The following GRIK1 variants were observed in gnomAD, a reference collection of about 807,000 sequenced individuals.
GRIK1 encodes glutamate ionotropic receptor kainate type subunit 1, also known as glutamate receptor ionotropic, kainate 1.
GRIK1 carries 69 observed loss-of-function variants against 105.7 expected under a neutral mutation model. That is an observed-to-expected ratio of 0.65 (90% CI 0.54 to 0.80). GRIK1 has a LOEUF of 0.80. GRIK1 is among the 30% of genes least tolerant of loss of function. The pLI is 0.00. For missense variants in GRIK1, 1,109 were observed against 1,167.3 expected, an observed-to-expected ratio of 0.95 and a Z score of 0.73; for synonymous variants, 438 against 431.3, an observed-to-expected ratio of 1.02 and a Z score of -0.19.
chr21:29,821,516 G>A (rs182131636), intron 1 of GRIK1, among the ~76,000 whole-genome samples: 9 of 152,112 alleles, frequency 5.9e-5, no homozygotes, highest in South Asian at 2.1e-4. Flanking sequence ...ACCATGAGAG[G>A]TCACTTTTTA....
In GRIK1 at chr21:29,565,223, C is replaced by CA. The variant is rs1416942735; in HGVS notation, c.2131-3375dup. Among the ~76,000 whole-genome samples, 5 of 152,308 alleles carry CA rather than the reference C, an allele frequency of 3.3e-5. 1 individual carries two copies. The highest frequency in any genetic ancestry group is 2.6e-4 in the Admixed American group (4 of 15,300). On this transcript the variant is annotated intron_variant, in intron 14 of 17. Transcript: ENST00000327783. ...AACATAATGGGAGCAAGAAGAGCAG[C>CA]ATTTTGCTGTTATTTAGAGCTCTCT...
At chr21:29,786,609 T>A (rs1391133781) in intron 1 of GRIK1, among the ~76,000 whole-genome samples, 1 of 152,202 alleles carries the variant, frequency 6.6e-6, no homozygotes, top group Non-Finnish European at 1.5e-5. Context: ...GTTAAAGAAA[T>A]GTACACAGAA....
At chr21:29,792,231 C>T in intron 1 of GRIK1, among the ~76,000 whole-genome samples, 1 of 151,980 alleles carries the variant, frequency 6.6e-6, no homozygotes, top group East Asian at 1.9e-4. Context: ...ATAAGTTCAG[C>T]TTTTGAATTT....
chr21:29,828,473 C>T (rs55912487), intron 1 of GRIK1, among the ~76,000 whole-genome samples: 16,849 of 151,732 alleles, frequency 0.11, 999 homozygotes, highest in Admixed American at 0.16. Context: ...GGTGAAAGCA[C>T]TTTATATTAT....
intron 1 of GRIK1, among the ~76,000 whole-genome samples, chr21:29,857,731 T>C (rs898861607): frequency 6.6e-6 from 1 of 152,200 alleles, no homozygotes; most frequent in African/African-American, 2.4e-5. Context: ...AACAACTAAA[T>C]AATAATCCTC....
chr21:29,703,812 G>T (rs992566954), intron 1 of GRIK1, among the ~76,000 whole-genome samples: 2 of 152,190 alleles, frequency 1.3e-5, no homozygotes, highest in African/African-American at 4.8e-5. Flanking sequence ...TGCTATAAGT[G>T]TCTTCAGGTA....
chr21:29,573,746 G>A (rs2090814219), intron 14 of GRIK1, among the ~76,000 whole-genome samples: 2 of 152,004 alleles, frequency 1.3e-5, no homozygotes, highest in Non-Finnish European at 2.9e-5. Context: ...CTACTCGGGG[G>A]GCTGAGGCAG....
intron 1 of GRIK1, among the ~76,000 whole-genome samples, chr21:29,710,178 T>C (rs1300984950): frequency 1.3e-5 from 2 of 152,074 alleles, no homozygotes; most frequent in Non-Finnish European, 2.9e-5. Flanking sequence ...TTCATATGAA[T>C]ACTATTCTTT....
intron 4 of GRIK1, among the ~76,000 whole-genome samples, chr21:29,668,550 C>G (rs1222822838): frequency 6.6e-6 from 1 of 152,080 alleles, no homozygotes; most frequent in African/African-American, 2.4e-5. Context: ...GGTCATGCGG[C>G]CTTGGTGTTT....
intron 1 of GRIK1, among the ~76,000 whole-genome samples, chr21:29,870,986 G>A (rs940342893): frequency 3.9e-5 from 6 of 152,092 alleles, no homozygotes; most frequent in East Asian, 1.9e-4. Context: ...AGTTCTGGCC[G>A]TGTCACAGAT....
Position 29,854,875 on chromosome 21 carries a change from G to T in GRIK1, c.118+84508C>A, listed in dbSNP as rs139736434. The stretch of plus-strand genomic sequence containing the variant: ...GATTTTTCTAAGAAACTAGCTGGCT[G>T]AACTGATGTAATGCATGTGAAGTTG... On this transcript the variant is annotated intron_variant, in intron 1 of 17. Coordinates refer to ENST00000327783, the MANE Select transcript of GRIK1 (RefSeq NM_001330994.2). Among the ~76,000 whole-genome samples, 424 of 152,160 alleles carry T rather than the reference G, an allele frequency of 2.8e-3. 3 individuals are homozygous for T. The highest frequency in any genetic ancestry group is 9.4e-3 in the African/African-American group (389 of 41,416).
chr21:29,716,350 G>A (rs138123414), intron 1 of GRIK1, among the ~76,000 whole-genome samples: 13 of 152,316 alleles, frequency 8.5e-5, no homozygotes, highest in African/African-American at 3.1e-4. Flanking sequence ...ATAACAGGCA[G>A]AGAATGGAAC....
intron 1 of GRIK1, among the ~76,000 whole-genome samples, chr21:29,929,642 A>G (rs1357217539): frequency 6.6e-6 from 1 of 152,246 alleles, no homozygotes; most frequent in Non-Finnish European, 1.5e-5. Context: ...GGCTATTATC[A>G]AAAAAGACAA....
chr21:29,846,463 GAGAA>G (rs56303585), intron 1 of GRIK1, among the ~76,000 whole-genome samples: 10,041 of 127,628 alleles, frequency 0.079, 453 homozygotes, highest in Middle Eastern at 0.12. Flanking sequence ...GAAAGAGAGA[GAGAA>G]AGAAAGAAAG....
intron 1 of GRIK1, among the ~76,000 whole-genome samples, chr21:29,905,335 A>G (rs958725776): frequency 6.6e-6 from 1 of 152,190 alleles, no homozygotes; most frequent in Non-Finnish European, 1.5e-5. Context: ...GGAAGGAGGA[A>G]GGCTGGGTCC....
intron 1 of GRIK1, among the ~76,000 whole-genome samples, chr21:29,885,433 C>T (rs1479073692): frequency 6.6e-6 from 1 of 151,912 alleles, no homozygotes; most frequent in African/African-American, 2.4e-5. Context: ...TAAATTCCTT[C>T]CTAGAGATCT....
chr21:29,694,957 T>A (rs2063666218), intron 1 of GRIK1, among the ~76,000 whole-genome samples: 1 of 152,206 alleles, frequency 6.6e-6, no homozygotes, highest in Non-Finnish European at 1.5e-5. Context: ...GAACTGGTTT[T>A]TTTTCTTTCT....
At chr21:29,695,476 C>CTATCTATATATATA (rs201600727) in intron 1 of GRIK1, among the ~76,000 whole-genome samples, 1 of 139,946 alleles carries the variant, frequency 7.1e-6, no homozygotes, top group Non-Finnish European at 1.5e-5. Flanking sequence ...ATCTATCTAT[C>CTATCTATATATATA]TATATATATA....
chr21:29,564,561 A>C (rs1442404049), intron 14 of GRIK1, among the ~76,000 whole-genome samples: 1 of 152,212 alleles, frequency 6.6e-6, no homozygotes, highest in Non-Finnish European at 1.5e-5. Flanking sequence ...GTAAATGGAG[A>C]AAGTGTGGGG....
Sources: gnomAD v4.1 joint callset for allele counts (sites outside exome capture counted in the v4.1 genomes callset) on GRCh38, gnomAD v4.1.1 for gene constraint, MANE v1.5 for transcripts, NCBI Gene and HGNC (gene_info 2026-07-23, HGNC 2026-07-21) for gene names.